Variants in LRRTM4 observed in about 807,000 individuals in gnomAD.
LRRTM4 encodes leucine-rich repeat transmembrane neuronal protein 4.
A neutral mutation model predicts 47.6 loss-of-function variants in LRRTM4; 25 were observed. The ratio of observed to expected loss-of-function variants is 0.53; its 90% confidence interval spans 0.38 to 0.73. The LOEUF (loss-of-function observed/expected upper bound fraction) is 0.73, where lower values mean the gene tolerates loss of function less well. LRRTM4 is among the 30% of genes least tolerant of loss of function. LRRTM4 has a pLI of 0.00. For synonymous variants in LRRTM4, 311 were observed against 269.5 expected (o/e 1.15, Z -1.51); for missense variants, 638 against 713.4 (o/e 0.89, Z 1.20).
At chr2:77,091,861 ATC>A (rs1670653026) in intron 3 of LRRTM4, among the ~76,000 whole-genome samples, 1 of 142,208 alleles carries the variant, frequency 7.0e-6, no homozygotes, top group Non-Finnish European at 1.5e-5. Flanking sequence ...TGTCCAACTG[ATC>A]TCTCAAACCC....
At chr2:77,073,063 C>T (rs2103833248) in intron 3 of LRRTM4, among the ~76,000 whole-genome samples, 1 of 152,174 alleles carries the variant, frequency 6.6e-6, no homozygotes, top group Non-Finnish European at 1.5e-5. Context: ...CAATCTGCAT[C>T]CCAGACCAGT....
intron 3 of LRRTM4, among the ~76,000 whole-genome samples, chr2:76,807,445 C>CACATAT (rs1670540815): frequency 1.3e-4 from 9 of 69,284 alleles, no homozygotes; most frequent in Admixed American, 3.3e-4. Flanking sequence ...TACGTATATA[C>CACATAT]ATATATATAT....
At chr2:77,029,048 C>CA (rs200876952) in intron 3 of LRRTM4, among the ~76,000 whole-genome samples, 28 of 131,930 alleles carry the variant, frequency 2.1e-4, no homozygotes, top group Middle Eastern at 3.8e-3. Flanking sequence ...CACACACACA[C>CA]ACAAATATAT....
Position 77,330,808 on chromosome 2 carries a change from T to C in LRRTM4, c.1551+187510A>G, listed in dbSNP as rs192745252. On this transcript the variant is annotated intron_variant, in intron 3 of 3. Transcript: ENST00000409884. Reference sequence around the variant, plus strand: ...AAACTATTAATTTGAAAAAATAAAATATAGGAAGTTTCATGTATTTAATTC... The same window carrying C: ...AAACTATTAATTTGAAAAAATAAAACATAGGAAGTTTCATGTATTTAATTC... Among the ~76,000 whole-genome samples the C allele has an allele frequency of 5.5e-4, 84 of 152,300 alleles. 2 individuals carry two copies. In the East Asian group the frequency reaches 0.015, roughly 27 times the overall value.
At chr2:76,940,619 A>G (rs1048887196) in intron 3 of LRRTM4, among the ~76,000 whole-genome samples, 2 of 152,174 alleles carry the variant, frequency 1.3e-5, no homozygotes, top group African/African-American at 4.8e-5. Flanking sequence ...AAACAGGCAC[A>G]TGTACCCCTG....
intron 3 of LRRTM4, among the ~76,000 whole-genome samples, chr2:77,230,403 A>G (rs1674930769): frequency 6.6e-6 from 1 of 152,154 alleles, no homozygotes; most frequent in Non-Finnish European, 1.5e-5. Flanking sequence ...AAAAAGATAT[A>G]GAGATAATGA....
chr2:76,971,857 C>A (rs1291734706), intron 3 of LRRTM4, among the ~76,000 whole-genome samples: 1 of 151,936 alleles, frequency 6.6e-6, no homozygotes, highest in Non-Finnish European at 1.5e-5. Flanking sequence ...CATAGAACAA[C>A]ATCTATAACG....
At chr2:77,146,928 C>T (rs373292131) in intron 3 of LRRTM4, among the ~76,000 whole-genome samples, 1 of 152,056 alleles carries the variant, frequency 6.6e-6, no homozygotes, top group African/African-American at 2.4e-5. Flanking sequence ...TTAGAGGGAG[C>T]TAGTTTATCT....
At chr2:76,902,106 A>T (rs114461302) in intron 3 of LRRTM4, among the ~76,000 whole-genome samples, 1,770 of 152,232 alleles carry the variant, frequency 0.012, 41 homozygotes, top group African/African-American at 0.041. Context: ...TTAAAATGTG[A>T]ATTTTATGGA....
intron 3 of LRRTM4, among the ~76,000 whole-genome samples, chr2:76,986,783 C>G: frequency 6.6e-6 from 1 of 151,926 alleles, no homozygotes; most frequent in East Asian, 1.9e-4. Flanking sequence ...AGCAAGTTTA[C>G]TCCTTGGACT....
chr2:77,314,318 T>C (rs1488568426), intron 3 of LRRTM4, among the ~76,000 whole-genome samples: 5 of 152,244 alleles, frequency 3.3e-5, no homozygotes, highest in Non-Finnish European at 5.9e-5. Flanking sequence ...ATCAATCATC[T>C]ATTTTCAAAA....
At chr2:77,113,444 A>T (rs188683565) in intron 3 of LRRTM4, among the ~76,000 whole-genome samples, 1 of 152,278 alleles carries the variant, frequency 6.6e-6, no homozygotes, top group Non-Finnish European at 1.5e-5. Flanking sequence ...CTTGAGCATT[A>T]TGAGGTTCTA....
At chr2:76,775,040 T>C (rs1673902603) in intron 3 of LRRTM4, among the ~76,000 whole-genome samples, 1 of 152,196 alleles carries the variant, frequency 6.6e-6, no homozygotes, top group South Asian at 2.1e-4. Flanking sequence ...AGCTCTCGAA[T>C]TTCTCCAAGA....
intron 3 of LRRTM4, among the ~76,000 whole-genome samples, chr2:77,445,135 C>T (rs1190018761): frequency 3.3e-5 from 5 of 151,986 alleles, no homozygotes; most frequent in Non-Finnish European, 1.5e-5. Context: ...ACAATAGATG[C>T]TAGCACCTTA....
intron 3 of LRRTM4, among the ~76,000 whole-genome samples, chr2:77,338,349 G>A (rs990010419): frequency 6.6e-6 from 1 of 151,806 alleles, no homozygotes; most frequent in African/African-American, 2.4e-5. Context: ...ATCCAATGAA[G>A]GACTAATGCT....
At chr2:76,956,728 AAAAT>A (rs1675687356) in intron 3 of LRRTM4, among the ~76,000 whole-genome samples, 1 of 151,304 alleles carries the variant, frequency 6.6e-6, no homozygotes, top group South Asian at 2.1e-4. Flanking sequence ...GAGAAGATTC[AAAAT>A]AAATAAATTC....
intron 3 of LRRTM4, among the ~76,000 whole-genome samples, chr2:77,257,176 C>T (rs1411273818): frequency 1.3e-5 from 2 of 151,948 alleles, no homozygotes; most frequent in Non-Finnish European, 2.9e-5. Context: ...TACAAAAATC[C>T]TACCGCTAAC....
At chr2:76,859,508 C>G (rs1221396848) in intron 3 of LRRTM4, among the ~76,000 whole-genome samples, 2 of 152,176 alleles carry the variant, frequency 1.3e-5, no homozygotes, top group Admixed American at 1.3e-4. Flanking sequence ...AAGCCAAGAG[C>G]TGGTTAATAG....
At chr2:77,350,049 G>A (rs1023061287) in intron 3 of LRRTM4, among the ~76,000 whole-genome samples, 5 of 151,902 alleles carry the variant, frequency 3.3e-5, no homozygotes, top group African/African-American at 1.2e-4. Flanking sequence ...CTGGCCGGGC[G>A]CGGTGGCTCA....
Sources: gnomAD v4.1 joint callset for allele counts (sites outside exome capture counted in the v4.1 genomes callset) on GRCh38, gnomAD v4.1.1 for gene constraint, MANE v1.5 for transcripts, NCBI Gene and HGNC (gene_info 2026-07-23, HGNC 2026-07-21) for gene names.